PRKCQ: variants seen among roughly 807,000 people sequenced by gnomAD.
PRKCQ encodes the protein protein kinase C theta.
A neutral mutation model predicts 91.2 loss-of-function variants in PRKCQ; 41 were observed. The observed-to-expected ratio is 0.45, with a 90% CI of 0.35 to 0.58. PRKCQ has a LOEUF of 0.58. Ranked by LOEUF, PRKCQ falls within the 20% of genes least tolerant of loss-of-function variation. The pLI is 0.00. For missense variants in PRKCQ, 673 were observed against 896.5 expected (o/e 0.75, Z 3.18); for synonymous variants, 307 against 316.9 (o/e 0.97, Z 0.33).
At chr10:6,484,639 A>T (rs1588736451) in intron 10 of PRKCQ, among the ~76,000 whole-genome samples, 1 of 152,284 alleles carries the variant, frequency 6.6e-6, no homozygotes, top group African/African-American at 2.4e-5. Flanking sequence ...TCTTCCAAGG[A>T]CACTAAGTAT....
At chr10:6,505,603 T>C (rs1838163753) in intron 4 of PRKCQ, among the ~76,000 whole-genome samples, 1 of 124,934 alleles carries the variant, frequency 8.0e-6, no homozygotes, top group African/African-American at 2.6e-5. Context: ...TCTCTCACCC[T>C]CTCTCTCTCT....
At position 6,543,277 on chromosome 10, in the gene PRKCQ, G is replaced by A. The variant is rs111625612; in HGVS notation, c.-9-28133C>T. Among the ~76,000 whole-genome samples, 233 of 152,322 alleles carry A rather than the reference G, an allele frequency of 1.5e-3. 1 individual carries two copies. The highest frequency in any genetic ancestry group is 5.2e-3 in the African/African-American group (217 of 41,574). On this transcript the variant is annotated intron_variant, in intron 1 of 17. Coordinates refer to ENST00000263125, the MANE Select transcript of PRKCQ (RefSeq NM_006257.5). ...AAAAAGTCACACAGGTGGAGTTCGC[G>A]GAGCTGAAAACAAAATACTCAGCCC...
intron 16 of PRKCQ, 96 bp downstream of exon 16, chr10:6,441,797 G>T: frequency 7.8e-7 from 1 of 1,273,900 alleles, no homozygotes; most frequent in Non-Finnish European, 1.1e-6. Context: ...AATAATCATT[G>T]TTTGCCACAT....
At chr10:6,461,891 G>A (rs532704620) in intron 14 of PRKCQ, among the ~76,000 whole-genome samples, 2 of 152,274 alleles carry the variant, frequency 1.3e-5, no homozygotes, top group South Asian at 2.1e-4. Flanking sequence ...AACGTGAAAT[G>A]ATGTCATACA....
chr10:6,477,441 T>C (rs1024544050), intron 12 of PRKCQ, among the ~76,000 whole-genome samples: 1 of 152,164 alleles, frequency 6.6e-6, no homozygotes, highest in Non-Finnish European at 1.5e-5. Context: ...ACTGCAGAGG[T>C]GGTGATGGAT....
intron 1 of PRKCQ, among the ~76,000 whole-genome samples, chr10:6,539,435 T>C (rs1367526131): frequency 2.6e-5 from 4 of 151,844 alleles, no homozygotes; most frequent in Admixed American, 6.6e-5. Context: ...AGAAACCCTA[T>C]CATGAACTGC....
At chr10:6,453,727 A>G (rs967995046) in intron 15 of PRKCQ, among the ~76,000 whole-genome samples, 2 of 137,426 alleles carry the variant, frequency 1.5e-5, no homozygotes, top group African/African-American at 5.7e-5. Context: ...ACACCATGGA[A>G]TACTATGCAG....
At chr10:6,551,398 C>CTT (rs368070599) in intron 1 of PRKCQ, among the ~76,000 whole-genome samples, 7 of 138,136 alleles carry the variant, frequency 5.1e-5, no homozygotes, top group African/African-American at 8.0e-5. Flanking sequence ...TTTTTTTTTT[C>CTT]TTTTTTTTTT....
At chr10:6,442,140 C>A in intron 15 of PRKCQ, 59 bp from the exon 16 acceptor site, 11 of 1,530,230 alleles carry the variant, frequency 7.2e-6, no homozygotes, top group South Asian at 1.2e-5. Context: ...AGTGACAACT[C>A]TTCCTGAGCG....
the PRKCQ span, among the ~76,000 whole-genome samples, chr10:6,400,195 C>T: frequency 2.0e-5 from 3 of 152,172 alleles, no homozygotes; most frequent in African/African-American, 7.2e-5. Flanking sequence ...ACACTGAATC[C>T]CCCGGCTCTG....
At chr10:6,468,920 T>C (rs999075139) in intron 12 of PRKCQ, among the ~76,000 whole-genome samples, 1 of 152,202 alleles carries the variant, frequency 6.6e-6, no homozygotes, top group African/African-American at 2.4e-5. Flanking sequence ...GGAATTCTGC[T>C]CTGAAGAAGA....
intron 15 of PRKCQ, among the ~76,000 whole-genome samples, chr10:6,448,947 A>G (rs2132283070): frequency 6.6e-6 from 1 of 152,184 alleles, no homozygotes; most frequent in Non-Finnish European, 1.5e-5. Context: ...CACCATCATC[A>G]AAGACCAAAA....
At chr10:6,409,758 G>A in the PRKCQ span, among the ~76,000 whole-genome samples, 1 of 151,886 alleles carries the variant, frequency 6.6e-6, no homozygotes, top group Non-Finnish European at 1.5e-5. Context: ...GCTTGGAGGA[G>A]ATAATGTAGC....
At chr10:6,426,594 C>T (rs748982648), downstream of PRKCQ, among the ~76,000 whole-genome samples, 21 of 152,036 alleles carry the variant, frequency 1.4e-4, no homozygotes, top group Non-Finnish European at 2.4e-4. Flanking sequence ...TGAGGTTACT[C>T]GTGTTCATTT....
intron 1 of PRKCQ, among the ~76,000 whole-genome samples, chr10:6,528,617 A>G (rs1839281204): frequency 6.6e-6 from 1 of 152,224 alleles, no homozygotes; most frequent in Admixed American, 6.5e-5. Context: ...CATAGCCAAG[A>G]GGGCTTATGT....
At chr10:6,565,436 T>C (rs1054997974) in intron 1 of PRKCQ, among the ~76,000 whole-genome samples, 3 of 152,256 alleles carry the variant, frequency 2.0e-5, no homozygotes, top group Admixed American at 6.5e-5. Context: ...CATGATGCTA[T>C]GTGTTAACAT....
chr10:6,510,371 C>A (rs1838408773), intron 3 of PRKCQ, among the ~76,000 whole-genome samples: 1 of 152,058 alleles, frequency 6.6e-6, no homozygotes, highest in Non-Finnish European at 1.5e-5. Context: ...AAGCTAAGTT[C>A]ATTACAGCTG....
intron 4 of PRKCQ, among the ~76,000 whole-genome samples, chr10:6,500,059 G>C (rs1837824054): frequency 6.6e-6 from 1 of 152,208 alleles, no homozygotes; most frequent in Non-Finnish European, 1.5e-5. Flanking sequence ...AATACTTTAA[G>C]AGTAGGTAAT....
chr10:6,466,286 C>CCATG (rs2130719345), intron 12 of PRKCQ, among the ~76,000 whole-genome samples: 1 of 152,310 alleles, frequency 6.6e-6, no homozygotes, highest in Admixed American at 6.5e-5. Flanking sequence ...AGCCCCACTC[C>CCATG]CATGCATTCC....
Sources: gnomAD v4.1 joint callset for allele counts (sites outside exome capture counted in the v4.1 genomes callset) on GRCh38, gnomAD v4.1.1 for gene constraint, MANE v1.5 for transcripts, NCBI Gene and HGNC (gene_info 2026-07-23, HGNC 2026-07-21) for gene names.